Variants in SNTG2 observed in about 807,000 individuals in gnomAD.
SNTG2 encodes gamma-2-syntrophin.
A neutral mutation model predicts 70.9 loss-of-function variants in SNTG2; 74 were observed. The observed-to-expected ratio is 1.04, with a 90% CI of 0.86 to 1.27. The LOEUF is 1.27. SNTG2 is among the 50% of genes most tolerant of loss of function. The pLI, the probability that SNTG2 is intolerant of heterozygous loss-of-function variation, is 0.00. For missense variants in SNTG2, 717 were observed against 690.7 expected, an observed-to-expected ratio of 1.04 and a Z score of -0.43; for synonymous variants, 278 against 273.8, an observed-to-expected ratio of 1.02 and a Z score of -0.15.
intron 14 of SNTG2, among the ~76,000 whole-genome samples, chr2:1,307,998 G>A (rs1286837042): frequency 6.6e-6 from 1 of 152,208 alleles, no homozygotes; most frequent in Non-Finnish European, 1.5e-5. Flanking sequence ...TGGTATCCCT[G>A]CAGTACTGCG....
chr2:1,271,920 C>A (rs899949833), intron 14 of SNTG2, among the ~76,000 whole-genome samples: 4 of 152,222 alleles, frequency 2.6e-5, no homozygotes, highest in Non-Finnish European at 5.9e-5. Flanking sequence ...CAAGGAAACA[C>A]CATTGGCTGA....
intron 1 of SNTG2, among the ~76,000 whole-genome samples, chr2:1,024,722 T>A (rs1660380723): frequency 6.6e-6 from 1 of 152,028 alleles, no homozygotes; most frequent in Non-Finnish European, 1.5e-5. Context: ...CCTGCAATAA[T>A]GAAAAGATGA....
At chr2:1,105,763 G>C (rs1299159037) in intron 4 of SNTG2, among the ~76,000 whole-genome samples, 2 of 152,144 alleles carry the variant, frequency 1.3e-5, no homozygotes, top group Admixed American at 6.5e-5. Context: ...CCGAGGTGCA[G>C]GCTGGGCTTT....
At chr2:1,025,856 CAT>C (rs1396609120) in intron 1 of SNTG2, among the ~76,000 whole-genome samples, 4 of 152,350 alleles carry the variant, frequency 2.6e-5, no homozygotes, top group East Asian at 3.9e-4. Flanking sequence ...CTTTGCCTAA[CAT>C]AGACAGCATC....
chr2:1,292,769 G>T (rs1267417204), intron 14 of SNTG2, among the ~76,000 whole-genome samples: 1 of 152,042 alleles, frequency 6.6e-6, no homozygotes, highest in Non-Finnish European at 1.5e-5. Context: ...TGAGATTTTT[G>T]CATCAATCTT....
intron 4 of SNTG2, among the ~76,000 whole-genome samples, chr2:1,105,889 G>A (rs562671820): frequency 1.3e-5 from 2 of 152,332 alleles, no homozygotes; most frequent in East Asian, 1.9e-4. Flanking sequence ...AGCCTCCCCC[G>A]CGTGTCACAG....
In SNTG2 at chr2:1,037,109, C is replaced by T. The variant is rs114545202; in HGVS notation, c.73-46409C>T. ...CAAGTCTGAGTGGCTCGCAGCTGCA[C>T]GCTGCCATTTCTGTGGCCAAGTGGG... On this transcript the variant is annotated intron_variant, in intron 1 of 16. Transcript: ENST00000308624. Among the ~76,000 whole-genome samples the T allele has an allele frequency of 3.2e-3, 483 of 152,328 alleles. 1 individual carries two copies. The highest frequency in any genetic ancestry group is 5.1e-3 in the Non-Finnish European group (345 of 68,036).
In SNTG2 at chr2:1,297,562, C is replaced by T. The variant is rs755982437; in HGVS notation, c.1285-10932C>T. On this transcript the variant is annotated intron_variant, in intron 14 of 16. Transcript: ENST00000308624. The stretch of plus-strand genomic sequence containing the variant: ...GCAGCTCCTTCCCAGCAGCCCAGCC[C>T]GGCGCCTCTACAGCTCCTTCCCAGC... Among the ~76,000 whole-genome samples, 94 of 150,006 alleles carry T rather than the reference C, an allele frequency of 6.3e-4. 1 individual carries two copies. Among genetic ancestry groups the T allele is most frequent in the Non-Finnish European group, 1.8e-4 (12 of 67,722 alleles).
chr2:1,062,505 A>G (rs1206579677), intron 1 of SNTG2, among the ~76,000 whole-genome samples: 4 of 152,238 alleles, frequency 2.6e-5, no homozygotes, highest in Non-Finnish European at 5.9e-5. Flanking sequence ...CAATGATCAG[A>G]AAGTGGGAAA....
chr2:1,214,723 T>C (rs924000427), intron 9 of SNTG2, among the ~76,000 whole-genome samples: 9 of 152,262 alleles, frequency 5.9e-5, no homozygotes, highest in African/African-American at 2.2e-4. Context: ...TTTAGATGTG[T>C]TTTATTTCTT....
At chr2:1,355,799 C>T (rs1289185449) in intron 16 of SNTG2, among the ~76,000 whole-genome samples, 2 of 152,164 alleles carry the variant, frequency 1.3e-5, no homozygotes, top group African/African-American at 4.8e-5. Context: ...ACCTTTCCAC[C>T]CACAATGTGC....
At chr2:1,319,141 G>A (rs1340214450) in intron 16 of SNTG2, among the ~76,000 whole-genome samples, 4 of 152,124 alleles carry the variant, frequency 2.6e-5, no homozygotes, top group Non-Finnish European at 5.9e-5. Flanking sequence ...CCAGTATCAG[G>A]TCACCTAAGA....
At chr2:1,248,024 T>G (rs1424477792) in intron 12 of SNTG2, among the ~76,000 whole-genome samples, 1 of 152,192 alleles carries the variant, frequency 6.6e-6, no homozygotes, top group African/African-American at 2.4e-5. Flanking sequence ...GCTTTACTTT[T>G]GAGAGTCTGA....
rs1394949696 is a variant in SNTG2, at chr2:1,173,147, C to T, written c.555C>T (p.Asp185=). The change falls in exon 8 of 17, where the codon GAC becomes GAT. Residue 185 remains aspartate (D), a synonymous_variant. Transcript: ENST00000308624. ...HSSGASSPLF[D]SGLHLNGNSS... is the part of the protein sequence containing the mutation. ...GTGGGGCCTCCTCTCCCCTCTTTGA[C>T]AGCGGTTTGCATCTGAACGGAAACT... 6.2e-7 allele frequency: 1 copy of T among 1,613,890 alleles called. No individual in the cohort carries two copies. Among genetic ancestry groups the T allele is most frequent in the Non-Finnish European group, 8.5e-7 (1 of 1,179,912 alleles).
intron 9 of SNTG2, among the ~76,000 whole-genome samples, chr2:1,222,427 G>C (rs1056476404): frequency 5.3e-5 from 8 of 152,254 alleles, no homozygotes; most frequent in Non-Finnish European, 1.0e-4. Context: ...ATCAGAGTTT[G>C]TGATGAAAAT....
intron 1 of SNTG2, among the ~76,000 whole-genome samples, chr2:957,982 G>A (rs761043054): frequency 6.6e-6 from 1 of 152,180 alleles, no homozygotes; most frequent in Non-Finnish European, 1.5e-5. Context: ...TCTTAGAAAT[G>A]TAGGGAATTT....
intron 1 of SNTG2, among the ~76,000 whole-genome samples, chr2:1,071,594 A>G (rs1253246690): frequency 6.6e-6 from 1 of 151,462 alleles, no homozygotes. Flanking sequence ...CGGCACATGT[A>G]TACATATGTA....
At chr2:974,260 G>A (rs1660839442) in intron 1 of SNTG2, among the ~76,000 whole-genome samples, 1 of 152,110 alleles carries the variant, frequency 6.6e-6, no homozygotes, top group Non-Finnish European at 1.5e-5. Flanking sequence ...GTGGGCTCAT[G>A]AGCCATGGCG....
At chr2:1,249,770 C>T (rs1008679783) in intron 12 of SNTG2, among the ~76,000 whole-genome samples, 23 of 152,304 alleles carry the variant, frequency 1.5e-4, no homozygotes, top group African/African-American at 5.5e-4. Context: ...AGTTGTGCTT[C>T]TTTTTCTTCA....
Sources: gnomAD v4.1 joint callset for allele counts (sites outside exome capture counted in the v4.1 genomes callset) on GRCh38, gnomAD v4.1.1 for gene constraint, MANE v1.5 for transcripts, NCBI Gene and HGNC (gene_info 2026-07-23, HGNC 2026-07-21) for gene names.